The following PPIL2 variants were observed in gnomAD, a reference collection of about 807,000 sequenced individuals.
The protein encoded by PPIL2 is peptidylprolyl isomerase like 2, also known as RING-type E3 ubiquitin-protein ligase PPIL2.
A neutral mutation model predicts 75.2 loss-of-function variants in PPIL2; 50 were observed. The ratio of observed to expected loss-of-function variants is 0.66; its 90% CI spans 0.53 to 0.84. The LOEUF is 0.84. PPIL2 is among the 40% of genes least tolerant of loss of function. The pLI is 0.00. For synonymous variants in PPIL2, 245 were observed against 258.8 expected, an observed-to-expected ratio of 0.95 and a Z score of 0.51; for missense variants, 590 against 685.0, an observed-to-expected ratio of 0.86 and a Z score of 1.55.
At chr22:21,674,593 C>T (rs566855607) in intron 5 of PPIL2, among the ~76,000 whole-genome samples, 4 of 152,160 alleles carry the variant, frequency 2.6e-5, no homozygotes, top group Non-Finnish European at 4.4e-5. Flanking sequence ...CCTAGCTACT[C>T]GGGAGGCTGA....
rs551062148 is a variant in PPIL2 at position 21,684,535 on chromosome 22, A to G, written c.554-218A>G. On this transcript the variant is annotated intron_variant, in intron 9 of 19. Transcript: ENST00000398831. ...TAGAATATACAGATAAATATAAAAT[A>G]TACAAATCAACCTGAAGTCCATCCT... Among the ~76,000 whole-genome samples, 8 of 151,906 alleles carry G rather than the reference A, an allele frequency of 5.3e-5. No individual in the cohort carries two copies. The East Asian group carries it at 1.5e-3, about 29-fold the overall frequency.
At chr22:21,678,875 T>C (rs1445034933) in intron 6 of PPIL2, among the ~76,000 whole-genome samples, 1 of 150,412 alleles carries the variant, frequency 6.6e-6, no homozygotes, top group East Asian at 2.0e-4. Flanking sequence ...CACAGGCATG[T>C]ACTACCATGC....
rs181138503 is a variant in PPIL2 at position 21,687,975 on chromosome 22, G to A, written c.988-98G>A. The stretch of plus-strand genomic sequence containing the variant: ...CATTATCACCAAGAGCCCAGCCCCT[G>A]TGTGGAGCCATCTGGCAGGAGGGGT... On this transcript the variant is annotated intron_variant, in intron 13 of 19. Coordinates refer to ENST00000398831, the MANE Select transcript of PPIL2 (RefSeq NM_014337.4). The A allele has an allele frequency of 1.0e-5, 15 of 1,484,784 alleles. No homozygotes were observed. The African/African-American group carries it at 1.7e-4, about 16-fold the overall frequency. The allele number at this position is 1,484,784 out of a possible 1,614,324, so 92.0% of individuals were successfully genotyped here.
chr22:21,670,866 G>A lies in PPIL2; in HGVS notation c.129-131G>A. ...GTTGGAGGAGAAGGTTGGTGAGAGA[G>A]GGAGGTGGCCAGGCTGCCCAGAGAG... On this transcript the variant is annotated intron_variant, in intron 3 of 19. Coordinates refer to ENST00000398831, the MANE Select transcript of PPIL2 (RefSeq NM_014337.4). The A allele has an allele frequency of 6.3e-6, 6 of 959,934 alleles. No individual in the cohort carries two copies. The South Asian group carries it at 7.9e-5, about 13-fold the overall frequency. 59.5% of individuals were successfully genotyped at this position (959,934 alleles called of 1,614,324 possible).
chr22:21,690,236 T>C (rs981592695), intron 15 of PPIL2, among the ~76,000 whole-genome samples: 6 of 151,942 alleles, frequency 3.9e-5, no homozygotes, highest in African/African-American at 1.5e-4. Context: ...TAAAAAAAAT[T>C]AGCGGGGCAT....
At chr22:21,667,345 G>A (rs1373593024) in intron 1 of PPIL2, among the ~76,000 whole-genome samples, 2 of 151,802 alleles carry the variant, frequency 1.3e-5, no homozygotes, top group African/African-American at 4.8e-5. Flanking sequence ...TAGTAGAGAA[G>A]GGGTTTCTCC....
chr22:21,696,961 T>C lies in PPIL2; in HGVS notation c.*1471T>C, dbSNP rs1014286221. The C allele has an allele frequency of 3.2e-6, 5 of 1,570,782 alleles. No individual in the cohort carries two copies. Among genetic ancestry groups the C allele is most frequent in the African/African-American group, 2.7e-5 (2 of 73,710 alleles). On this transcript the variant is annotated 3_prime_UTR_variant, in exon 20 of 20. Transcript: ENST00000398831. ...ACCAATCTGTGGCCCTTCATCATGC[T>C]AAGAACAAGAACTGCGCCATGGCTG... is the stretch of plus-strand genomic sequence containing the variant.
At chr22:21,676,649 G>A (rs1367096892) in intron 6 of PPIL2, among the ~76,000 whole-genome samples, 1 of 152,022 alleles carries the variant, frequency 6.6e-6, no homozygotes. Flanking sequence ...AGTGAACACC[G>A]CACATGTTTC....
chr22:21,681,365 C>T lies in PPIL2; in HGVS notation c.362C>T (p.Thr121Met), dbSNP rs1361989641. ...TNNTHIVAVR[T>M]TGNVYAYEAV... is the part of the protein sequence containing the mutation. ...AACACCCACATCGTGGCTGTGAGGA[C>T]GACCGGCAACGTCTACGCCTATGAG... Residue 121 changes from threonine (T) to methionine (M), a missense_variant, in exon 7 of 20, where the codon ACG becomes ATG. Transcript: ENST00000398831. 5.0e-6 allele frequency: 8 copies of T among 1,613,880 alleles called. No homozygotes were observed. The highest frequency in any genetic ancestry group is 2.2e-5 in the East Asian group (1 of 44,890).
At position 21,697,389 on chromosome 22, in the gene PPIL2, A is replaced by C; in HGVS notation, c.*1899A>C. The C allele has an allele frequency of 9.3e-6, 2 of 216,006 alleles. No homozygotes were observed. Among genetic ancestry groups the C allele is most frequent in the Non-Finnish European group, 1.9e-5 (2 of 106,686 alleles). 13.4% of individuals were successfully genotyped at this position (216,006 alleles called of 1,614,324 possible). A position where few individuals can be genotyped will look rare whatever the true frequency, so the allele number is the denominator to read the frequency against. Reference sequence around the variant, plus strand: ...TTCTCTGGCCACATTCAAGTCCCCCATTGGTGGGGGCAGAGAAGTAGGACC... The same window carrying C: ...TTCTCTGGCCACATTCAAGTCCCCCCTTGGTGGGGGCAGAGAAGTAGGACC... On this transcript the variant is annotated 3_prime_UTR_variant, in exon 20 of 20. Transcript: ENST00000398831.
At chr22:21,684,493 G>A (rs917182673) in intron 9 of PPIL2, among the ~76,000 whole-genome samples, 6 of 147,216 alleles carry the variant, frequency 4.1e-5, no homozygotes, top group African/African-American at 1.3e-4. Context: ...AAAGCAAAGC[G>A]TATACTCTAA....
rs1383382494 is a variant in PPIL2 at position 21,682,417 on chromosome 22, C to A, written c.388-20C>A. On this transcript the variant is annotated intron_variant, in intron 7 of 19. Coordinates refer to ENST00000398831, the MANE Select transcript of PPIL2 (RefSeq NM_014337.4). ...AAGGCTTGGGGCAGGCATCGTAAAA[C>A]CACTTCCTCCTGGCTATAGGCAGTG... The A allele has an allele frequency of 1.9e-6, 3 of 1,609,242 alleles. No individual in the cohort carries two copies. Among genetic ancestry groups the A allele is most frequent in the Non-Finnish European group, 2.6e-6 (3 of 1,175,948 alleles).
At chr22:21,668,071 C>A (rs936192658) in intron 1 of PPIL2, among the ~76,000 whole-genome samples, 1 of 151,936 alleles carries the variant, frequency 6.6e-6, no homozygotes, top group South Asian at 2.1e-4. Flanking sequence ...GCCACCGTGC[C>A]GGGCCAGACA....
Position 21,696,950 on chromosome 22 carries a change from C to T in PPIL2, c.*1460C>T. ...CCCTGCTGCACACCAATCTGTGGCC[C>T]TTCATCATGCTAAGAACAAGAACTG... On this transcript the variant is annotated 3_prime_UTR_variant, in exon 20 of 20. Coordinates refer to ENST00000398831, the MANE Select transcript of PPIL2 (RefSeq NM_014337.4). 19 of 1,576,678 alleles carry T rather than the reference C, an allele frequency of 1.2e-5. No individual in the cohort carries two copies. The highest frequency in any genetic ancestry group is 1.6e-5 in the Non-Finnish European group (19 of 1,161,612).
Position 21,696,661 on chromosome 22 carries a change from C to A in PPIL2, c.*1171C>A, listed in dbSNP as rs573429795. ...TCCCTGTTGCCCTCAGGCCACCCCC[C>A]ACTTCTAGTTCTTCACACTAAGCCC... is the stretch of plus-strand genomic sequence containing the variant. On this transcript the variant is annotated 3_prime_UTR_variant, in exon 20 of 20. Coordinates refer to ENST00000398831, the MANE Select transcript of PPIL2 (RefSeq NM_014337.4). 8.4e-5 allele frequency: 129 copies of A among 1,527,516 alleles called. No homozygotes were observed. The highest frequency in any genetic ancestry group is 1.7e-4 in the Middle Eastern group (1 of 5,966). The allele number at this position is 1,527,516 out of a possible 1,614,324, so 94.6% of individuals were successfully genotyped here. A position where few individuals can be genotyped will look rare whatever the true frequency, so the allele number is the denominator to read the frequency against.
At chr22:21,693,773 G>A in intron 15 of PPIL2, 43 bp from the exon 16 acceptor site, 1 of 1,519,852 alleles carries the variant, frequency 6.6e-7, no homozygotes, top group South Asian at 1.1e-5. Context: ...GCCAGGTGCA[G>A]AAGGTGCCAT....
Position 21,693,836 on chromosome 22 carries a change from G to T in PPIL2, c.1160G>T (p.Cys387Phe), listed in dbSNP as rs767400673. Residue 387 changes from cysteine to phenylalanine, a missense_variant, in exon 16 of 20, where the codon TGT (cysteine) becomes TTT (phenylalanine). By Grantham distance (205) the Cys-to-Phe change is radical (BLOSUM62 -2). Coordinates refer to ENST00000398831, the MANE Select transcript of PPIL2 (RefSeq NM_014337.4). Reference protein sequence around the residue: ...RSQFFITFRSCAYLDKKHTIF... With the variant: ...RSQFFITFRSFAYLDKKHTIF... ...CCCAGCTTCATCACGTTTCGCTCCT[G>T]TGCCTACCTGGACAAGAAGCATACC... 3.9e-6 allele frequency: 6 copies of T among 1,546,926 alleles called. No individual in the cohort carries two copies. Among genetic ancestry groups the T allele is most frequent in the Non-Finnish European group, 5.4e-6 (6 of 1,118,850 alleles).
intron 16 of PPIL2, 77 bp from the exon 17 acceptor site, chr22:21,694,516 C>T (rs934619840): frequency 2.7e-5 from 42 of 1,536,398 alleles, no homozygotes; most frequent in Non-Finnish European, 3.6e-5. Flanking sequence ...AACCCCTCTT[C>T]CCACGTGCCT....
intron 8 of PPIL2, 61 bp downstream of exon 8, chr22:21,682,587 C>A: frequency 7.8e-7 from 1 of 1,281,930 alleles, no homozygotes; most frequent in Non-Finnish European, 1.1e-6. Context: ...GCCCAGGCCT[C>A]TACAGGGCCC....
Sources: allele counts gnomAD v4.1 joint callset (sites outside exome capture counted in the v4.1 genomes callset), GRCh38; gene constraint gnomAD v4.1.1; transcripts MANE v1.5; gene names NCBI Gene and HGNC (gene_info 2026-07-23, HGNC 2026-07-21).